The following TLK1 variants were observed in gnomAD, a reference collection of about 807,000 sequenced individuals.
TLK1 encodes the protein tousled like kinase 1.
TLK1 carries 24 observed loss-of-function variants against 105.3 expected under a neutral mutation model. The observed-to-expected ratio is 0.23, with a 90% CI of 0.17 to 0.32. The LOEUF is 0.32. Among genes scored for constraint, TLK1 ranks in the 10% least tolerant of loss-of-function variants. The probability of loss-of-function intolerance (pLI) is 1.00; values close to 1 mark genes in which losing one functional copy is unlikely to be tolerated. For missense variants in TLK1, 558 were observed against 910.5 expected (o/e 0.61, Z 4.98); for synonymous variants, 321 against 310.4 (o/e 1.03, Z -0.36).
rs182206748 is a variant in TLK1 at position 171,196,471 on chromosome 2, T to C, written c.-6+34674A>G. Among the ~76,000 whole-genome samples, 6 of 152,286 alleles carry C rather than the reference T, an allele frequency of 3.9e-5. No homozygotes were observed. In the East Asian group the frequency reaches 1.2e-3, roughly 29 times the overall value. On this transcript the variant is annotated intron_variant, in intron 1 of 20. Transcript: ENST00000521943. ...TTTTATTTAAGTGTAATGTGGATAA[T>C]TGTCTCCTGGTAATTAGAAAACATC... is the stretch of plus-strand genomic sequence containing the variant.
At position 171,018,927 on chromosome 2, in the gene TLK1, G is replaced by A. The variant is rs146721402; in HGVS notation, c.1237-3979C>T. Among the ~76,000 whole-genome samples, 1,282 of 152,176 alleles carry A rather than the reference G, an allele frequency of 8.4e-3. 7 individuals are homozygous for A. Among genetic ancestry groups the A allele is most frequent in the Non-Finnish European group, 0.013 (905 of 67,998 alleles). ...ATTAAATACACAATAAAAGGACATG[G>A]CTCTTTTCTGTTCAAACAAAAACTA... On this transcript the variant is annotated intron_variant, in intron 12 of 20. Transcript: ENST00000431350.
chr2:171,009,562 CCCA>C (rs1181500141), intron 14 of TLK1, among the ~76,000 whole-genome samples: 1 of 151,938 alleles, frequency 6.6e-6, no homozygotes, highest in Non-Finnish European at 1.5e-5. Flanking sequence ...CTGCCTTGGC[CCCA>C]CCAAGTGCTA....
chr2:171,009,267 A>G (rs1455462559), intron 14 of TLK1, among the ~76,000 whole-genome samples: 1 of 145,974 alleles, frequency 6.9e-6, no homozygotes, highest in Non-Finnish European at 1.5e-5. Context: ...TCTTTGTCCC[A>G]TGCAACAGTC....
chr2:171,180,218 G>A, intron 1 of TLK1, among the ~76,000 whole-genome samples: 1 of 151,176 alleles, frequency 6.6e-6, no homozygotes, highest in East Asian at 1.9e-4. Context: ...GCGAGACTTT[G>A]TCTAAAAAAA....
At chr2:171,007,190 C>A (rs1684688946) in intron 14 of TLK1, 127 bp from the exon 15 acceptor site, 1 of 664,486 alleles carries the variant, frequency 1.5e-6, no homozygotes, top group Non-Finnish European at 2.6e-6. Flanking sequence ...TATTAATGAT[C>A]TTCTCTGCTA....
chr2:171,095,069 A>T (rs1432521426), intron 2 of TLK1, among the ~76,000 whole-genome samples: 1 of 152,244 alleles, frequency 6.6e-6, no homozygotes, highest in East Asian at 1.9e-4. Context: ...ATTAGAAAAA[A>T]ACTTTGAGAT....
intron 1 of TLK1, among the ~76,000 whole-genome samples, chr2:171,204,521 G>T (rs1693463757): frequency 1.3e-5 from 2 of 151,476 alleles, no homozygotes; most frequent in African/African-American, 2.4e-5. Context: ...AGGCAGGCCT[G>T]GTCAACTTGT....
chr2:171,133,161 T>G (rs572820129), intron 1 of TLK1, among the ~76,000 whole-genome samples: 21 of 152,346 alleles, frequency 1.4e-4, no homozygotes, highest in African/African-American at 5.1e-4. Context: ...TACTATAGCT[T>G]CTGCCTTTTT....
chr2:171,127,450 A>G (rs538965761), intron 1 of TLK1, among the ~76,000 whole-genome samples: 49 of 152,118 alleles, frequency 3.2e-4, no homozygotes, highest in Non-Finnish European at 3.4e-4. Flanking sequence ...TGTTGGCTAT[A>G]CTATGTTGCA....
At chr2:171,037,057 G>C (rs977527146) in intron 11 of TLK1, among the ~76,000 whole-genome samples, 5 of 152,048 alleles carry the variant, frequency 3.3e-5, no homozygotes, top group Admixed American at 2.6e-4. Context: ...TCTATCTGCA[G>C]GAAACTAGTC....
At chr2:171,018,051 T>C (rs1685292138) in intron 12 of TLK1, among the ~76,000 whole-genome samples, 1 of 152,214 alleles carries the variant, frequency 6.6e-6, no homozygotes, top group Non-Finnish European at 1.5e-5. Flanking sequence ...TCAAAATTCA[T>C]ATATTGAAGC....
rs536231406 is a variant in TLK1 at position 171,207,923 on chromosome 2, C to T, written c.-6+23222G>A. 1.1e-3 allele frequency among the ~76,000 whole-genome samples: 168 copies of T among 152,150 alleles called. 1 individual carries two copies. Among genetic ancestry groups the T allele is most frequent in the Non-Finnish European group, 2.4e-4 (16 of 68,002 alleles). ...TGTATTTTTAGTAGAGATGGAGTTTCACCATGTTGGTCAGGCTGGTCTCGA... is the reference window on the plus strand; with the variant it reads ...TGTATTTTTAGTAGAGATGGAGTTTTACCATGTTGGTCAGGCTGGTCTCGA... On this transcript the variant is annotated intron_variant, in intron 1 of 20. Coordinates refer to the TLK1 transcript ENST00000521943.
At chr2:171,182,002 C>CT (rs1010522179) in intron 1 of TLK1, among the ~76,000 whole-genome samples, 6 of 152,194 alleles carry the variant, frequency 3.9e-5, no homozygotes, top group African/African-American at 1.4e-4. Flanking sequence ...CTTACTGAAC[C>CT]TACTCTGGGT....
intron 1 of TLK1, among the ~76,000 whole-genome samples, chr2:171,147,950 G>A (rs1691858274): frequency 6.6e-6 from 1 of 151,594 alleles, no homozygotes; most frequent in African/African-American, 2.4e-5. Flanking sequence ...GAGTGCAATG[G>A]TGCAATCTCG....
chr2:171,121,210 A>G (rs1298331888), intron 1 of TLK1, among the ~76,000 whole-genome samples: 1 of 152,180 alleles, frequency 6.6e-6, no homozygotes, highest in Non-Finnish European at 1.5e-5. Flanking sequence ...AATAGTTAAC[A>G]TGGTAAATTT....
chr2:171,053,665 T>C, intron 8 of TLK1, 96 bp downstream of exon 8: 1 of 1,003,938 alleles, frequency 1.0e-6, no homozygotes, highest in Non-Finnish European at 1.4e-6. Context: ...CTGGCCTAGC[T>C]ACAGATTTTT....
In TLK1 at chr2:171,024,466, A is replaced by G. The variant is rs115214641; in HGVS notation, c.1236+3873T>C. On this transcript the variant is annotated intron_variant, in intron 12 of 20. Coordinates refer to ENST00000431350, the MANE Select transcript of TLK1 (RefSeq NM_012290.5). Reference sequence around the variant, plus strand: ...CTTAAAACTGTTCTCCTTTATCTGTAATGAAAATGAAATAGCACGTTCATC... The same window carrying G: ...CTTAAAACTGTTCTCCTTTATCTGTGATGAAAATGAAATAGCACGTTCATC... Among the ~76,000 whole-genome samples, 811 of 152,272 alleles carry G rather than the reference A, an allele frequency of 5.3e-3. 10 individuals are homozygous for G. Among genetic ancestry groups the G allele is most frequent in the African/African-American group, 0.018 (762 of 41,558 alleles).
chr2:171,215,354 C>G (rs1693693902), intron 1 of TLK1, among the ~76,000 whole-genome samples: 1 of 152,174 alleles, frequency 6.6e-6, no homozygotes, highest in Admixed American at 6.5e-5. Flanking sequence ...TAGTTTCCAA[C>G]ACAAATACAG....
At chr2:171,115,872 C>G (rs957378032) in intron 2 of TLK1, among the ~76,000 whole-genome samples, 8 of 152,204 alleles carry the variant, frequency 5.3e-5, no homozygotes, top group Non-Finnish European at 1.0e-4. Flanking sequence ...GGACACATCA[C>G]AGTACTCTTT....
Sources: allele counts gnomAD v4.1 joint callset (sites outside exome capture counted in the v4.1 genomes callset), GRCh38; gene constraint gnomAD v4.1.1; transcripts MANE v1.5; gene names NCBI Gene and HGNC (gene_info 2026-07-23, HGNC 2026-07-21).